PDE4DIP: variants seen among roughly 807,000 people sequenced by gnomAD.
PDE4DIP encodes myomegalin.
PDE4DIP carries 59 observed loss-of-function variants against 221.4 expected under a neutral mutation model. That is an observed-to-expected ratio of 0.27 (90% CI 0.22 to 0.33). The LOEUF (loss-of-function observed/expected upper bound fraction) is 0.33, where lower values mean the gene tolerates loss of function less well. Ranked by LOEUF, PDE4DIP falls within the 10% of genes least tolerant of loss-of-function variation. PDE4DIP has a pLI of 1.00. For missense variants in PDE4DIP, 1,036 were observed against 2,154.2 expected (o/e 0.48, Z 10.28); for synonymous variants, 404 against 815.9 (o/e 0.50, Z 8.60).
chr1:148,978,427 G>C lies in PDE4DIP; in HGVS notation c.2574+12G>C. ...ACCGAAGACAACAGGTAAGTTACTG[G>C]AATATAAACCTTATTTATTTATTTA... is the stretch of plus-strand genomic sequence containing the variant. On this transcript the variant is annotated intron_variant, in intron 19 of 43. Transcript: ENST00000369354. The C allele has an allele frequency of 1.3e-6, 2 of 1,536,932 alleles. No homozygotes were observed. Among genetic ancestry groups the C allele is most frequent in the South Asian group, 1.2e-5 (1 of 82,380 alleles).
intron 21 of PDE4DIP, among the ~76,000 whole-genome samples, chr1:148,987,706 A>G (rs1465143740): frequency 2.0e-5 from 3 of 152,174 alleles, no homozygotes; most frequent in African/African-American, 7.2e-5. Flanking sequence ...TTAAAGGAAG[A>G]TAATGACTAC....
At chr1:148,945,747 CCTA>C (rs2151077824) in intron 5 of PDE4DIP, among the ~76,000 whole-genome samples, 1 of 136,748 alleles carries the variant, frequency 7.3e-6, no homozygotes, top group African/African-American at 2.8e-5. Flanking sequence ...TCCTCCTCTC[CCTA>C]CTTTCTCAGC....
chr1:148,955,742 A>G (rs2055120484), intron 5 of PDE4DIP, among the ~76,000 whole-genome samples: 1 of 152,126 alleles, frequency 6.6e-6, no homozygotes, highest in African/African-American at 2.4e-5. Flanking sequence ...CATATAAACT[A>G]TGGTAACTGT....
At chr1:148,948,462 T>A (rs2052336839) in intron 5 of PDE4DIP, among the ~76,000 whole-genome samples, 1 of 143,534 alleles carries the variant, frequency 7.0e-6, no homozygotes. Context: ...ACACAGTGAG[T>A]CTCCGTCTCA....
intron 43 of PDE4DIP, among the ~76,000 whole-genome samples, chr1:149,031,499 T>G (rs2076716433): frequency 6.6e-6 from 1 of 152,038 alleles, no homozygotes; most frequent in Admixed American, 6.6e-5. Context: ...CTCCACACCC[T>G]CATTATGGCA....
chr1:149,004,774 G>T, intron 26 of PDE4DIP, 135 bp from the exon 30 acceptor site: 2 of 450,972 alleles, frequency 4.4e-6, no homozygotes, highest in Non-Finnish European at 3.8e-6. Flanking sequence ...ACAGTGTCAG[G>T]GTTGAATAAA....
In PDE4DIP at chr1:148,820,397, T is replaced by C. The variant is rs1419970908; in HGVS notation, c.233+11660T>C. The stretch of plus-strand genomic sequence containing the variant: ...GCCTGGCCAAAATGGTGAAACCCCC[T>C]CTCTACTAAAAATACAAAAAATTAG... On this transcript the variant is annotated intron_variant, in intron 1 of 45. Coordinates refer to the PDE4DIP transcript ENST00000524974. 2.1e-5 allele frequency among the ~76,000 whole-genome samples: 3 copies of C among 145,388 alleles called. No homozygotes were observed. In the East Asian group the frequency reaches 5.9e-4, roughly 29 times the overall value.
intron 21 of PDE4DIP, chr1:148,986,490 A>C (rs1270490520): frequency 5.9e-5 from 9 of 152,326 alleles, no homozygotes; most frequent in East Asian, 1.9e-4. Flanking sequence ...ATTTGGTTTT[A>C]TTCTTAAGAT....
intron 42 of PDE4DIP, 132 bp from the exon 46 acceptor site, chr1:149,030,100 A>AT: frequency 2.2e-6 from 2 of 917,496 alleles, no homozygotes; most frequent in Non-Finnish European, 1.7e-6. Flanking sequence ...AGGGGAGGAC[A>AT]GGGGGTGGAT....
At chr1:148,929,576 A>G in intron 2 of PDE4DIP, 1 of 317,246 alleles carries the variant, frequency 3.2e-6, no homozygotes, top group South Asian at 3.5e-5. Flanking sequence ...GACAAATGCA[A>G]ATAAGCTTTA....
At chr1:148,919,620 C>T (rs587690989) in intron 1 of PDE4DIP, among the ~76,000 whole-genome samples, 4 of 151,956 alleles carry the variant, frequency 2.6e-5, no homozygotes, top group East Asian at 3.9e-4. Context: ...AAAATTCACT[C>T]TGCATACAAA....
At chr1:148,956,578 T>G (rs2055408136) in intron 5 of PDE4DIP, among the ~76,000 whole-genome samples, 1 of 152,144 alleles carries the variant, frequency 6.6e-6, no homozygotes, top group Non-Finnish European at 1.5e-5. Flanking sequence ...ATTCCCTTCT[T>G]TATTGTCTGG....
In PDE4DIP at chr1:148,935,194, C is replaced by T. The variant is rs587710772; in HGVS notation, c.519-2553C>T. On this transcript the variant is annotated intron_variant, in intron 4 of 43. Transcript: ENST00000369354. ...GCGCCACTGCACTCCAGTCTGGCGA[C>T]AGAGCAAGACTCCATCTCAAAAAAA... 1.1e-3 allele frequency among the ~76,000 whole-genome samples: 164 copies of T among 151,156 alleles called. 1 individual carries two copies. The highest frequency in any genetic ancestry group is 9.3e-4 in the Non-Finnish European group (63 of 67,878).
At chr1:148,948,676 T>G (rs1415653331) in intron 5 of PDE4DIP, among the ~76,000 whole-genome samples, 1 of 128,224 alleles carries the variant, frequency 7.8e-6, no homozygotes, top group Non-Finnish European at 1.7e-5. Context: ...TTTTAATCTT[T>G]TTAATTGAAA....
At chr1:149,005,936 C>T (rs587712977) in intron 27 of PDE4DIP, among the ~76,000 whole-genome samples, 7 of 151,066 alleles carry the variant, frequency 4.6e-5, no homozygotes, top group African/African-American at 1.7e-4. Flanking sequence ...TGTTCGAGAC[C>T]AGCCTACCCA....
chr1:148,926,818 G>A (rs2046820496), intron 1 of PDE4DIP, among the ~76,000 whole-genome samples: 1 of 150,036 alleles, frequency 6.7e-6, no homozygotes, highest in African/African-American at 2.5e-5. Context: ...TGGGGACATA[G>A]CAACTGTTTA....
At chr1:148,910,926 A>G (rs2042642864) in intron 1 of PDE4DIP, among the ~76,000 whole-genome samples, 1 of 103,994 alleles carries the variant, frequency 9.6e-6, no homozygotes, top group Non-Finnish European at 1.9e-5. Context: ...CCATTACTGG[A>G]TATATACCCA....
chr1:148,962,416 C>T lies in PDE4DIP; in HGVS notation c.982-12C>T, dbSNP rs1487356574. ...GCCCTCCTTGTGATTGTGATTTCTA[C>T]TCTCTTTTCAGAGCTCAGAGGGTAC... On this transcript the variant is annotated splice_polypyrimidine_tract_variant and intron_variant, in intron 8 of 43. Coordinates refer to ENST00000369354, the Ensembl canonical transcript of PDE4DIP. 18 of 827,664 alleles carry T rather than the reference C, an allele frequency of 2.2e-5. No homozygotes were observed. The highest frequency in any genetic ancestry group is 3.6e-5 in the Non-Finnish European group (18 of 501,654). 51.3% of individuals were successfully genotyped at this position (827,664 alleles called of 1,614,324 possible).
At chr1:148,920,254 T>A (rs2045271875) in intron 1 of PDE4DIP, among the ~76,000 whole-genome samples, 1 of 132,682 alleles carries the variant, frequency 7.5e-6, no homozygotes, top group Non-Finnish European at 1.6e-5. Flanking sequence ...TGCCTCAGCC[T>A]CCTGAGTAGC....
Sources: gnomAD v4.1 joint callset for allele counts (sites outside exome capture counted in the v4.1 genomes callset) on GRCh38, gnomAD v4.1.1 for gene constraint, MANE v1.5 for transcripts, NCBI Gene and HGNC (gene_info 2026-07-23, HGNC 2026-07-21) for gene names.